Variants in PDE4D observed in about 807,000 individuals in gnomAD.
The protein encoded by PDE4D is 3',5'-cyclic-AMP phosphodiesterase 4D.
PDE4D carries 24 observed loss-of-function variants against 87.4 expected under a neutral mutation model. The observed-to-expected ratio is 0.27, with a 90% CI of 0.20 to 0.39. The LOEUF is 0.39. PDE4D is among the 10% of genes least tolerant of loss of function. The pLI is 1.00. For synonymous variants in PDE4D, 384 were observed against 383.2 expected (o/e 1.00, Z -0.02); for missense variants, 714 against 1,041.0 (o/e 0.69, Z 4.32).
chr5:59,654,390 C>A (rs1744022595), intron 1 of PDE4D, among the ~76,000 whole-genome samples: 1 of 152,150 alleles, frequency 6.6e-6, no homozygotes, highest in African/African-American at 2.4e-5. Context: ...GTCATTCATC[C>A]TTGACAAAAG....
chr5:59,289,912 A>G (rs949251343), intron 1 of PDE4D, among the ~76,000 whole-genome samples: 1 of 152,076 alleles, frequency 6.6e-6, no homozygotes, highest in African/African-American at 2.4e-5. Context: ...AAATGGAGAA[A>G]GTAATCCCAT....
intron 1 of PDE4D, among the ~76,000 whole-genome samples, chr5:59,503,651 T>A (rs114552061): frequency 1.3e-5 from 2 of 152,172 alleles, no homozygotes; most frequent in African/African-American, 2.4e-5. Context: ...TATTCTACTG[T>A]GTTTCACTAT....
chr5:60,114,549 A>C (rs1476675766), intron 2 of PDE4D, among the ~76,000 whole-genome samples: 1 of 152,102 alleles, frequency 6.6e-6, no homozygotes, highest in Non-Finnish European at 1.5e-5. Context: ...TGATGAGTAC[A>C]AACCAGAGAA....
intron 1 of PDE4D, among the ~76,000 whole-genome samples, chr5:60,240,317 CT>C (rs1177826273): frequency 6.6e-6 from 1 of 151,964 alleles, no homozygotes; most frequent in Non-Finnish European, 1.5e-5. Flanking sequence ...AAAATCACAC[CT>C]TCAGAAGAAC....
intron 2 of PDE4D, among the ~76,000 whole-genome samples, chr5:60,026,836 C>T (rs1766680073): frequency 1.3e-5 from 2 of 152,258 alleles, no homozygotes; most frequent in Admixed American, 6.5e-5. Context: ...ATCCCAGAAC[C>T]GTGCTCACTC....
chr5:58,975,295 G>C lies in PDE4D; in HGVS notation c.2014-215C>G, dbSNP rs1743432833. On this transcript the variant is annotated intron_variant, in intron 14 of 14. Transcript: ENST00000340635. The surrounding 1 kb of genome is among the most constrained non-coding windows in gnomAD (Gnocchi z 4.2). ...TTAGCTTCTAGAACCTTTGGTTAAA[G>C]AGCATGTTCTATAGCATAAAAAATT... is the stretch of plus-strand genomic sequence containing the variant. Among the ~76,000 whole-genome samples the C allele has an allele frequency of 6.8e-6, 1 of 147,304 alleles. No homozygotes were observed. Among genetic ancestry groups the C allele is most frequent in the South Asian group, 2.1e-4 (1 of 4,670 alleles).
intron 1 of PDE4D, among the ~76,000 whole-genome samples, chr5:59,540,490 T>A (rs755637272): frequency 1.3e-5 from 2 of 152,168 alleles, no homozygotes; most frequent in Non-Finnish European, 2.9e-5. Flanking sequence ...TTGCCTCAAT[T>A]GTGATTTCTT....
intron 1 of PDE4D, among the ~76,000 whole-genome samples, chr5:59,472,281 A>T (rs1802565095): frequency 1.3e-5 from 2 of 152,188 alleles, no homozygotes. Flanking sequence ...TATTCGTATG[A>T]CTGGAAGCCA....
intron 8 of PDE4D, 116 bp downstream of exon 8, chr5:58,991,716 G>GA (rs749957231): frequency 9.6e-3 from 5,118 of 535,546 alleles, no homozygotes; most frequent in South Asian, 0.01. Context: ...TTCAAAAAAA[G>GA]AAAAAAAAAA....
At chr5:59,020,836 C>G (rs1356024331) in intron 6 of PDE4D, among the ~76,000 whole-genome samples, 2 of 152,126 alleles carry the variant, frequency 1.3e-5, no homozygotes, top group African/African-American at 4.8e-5. Flanking sequence ...CCTTCTCTTA[C>G]CGGCTGTGGC....
chr5:59,481,584 G>A (rs1804263276), intron 1 of PDE4D, among the ~76,000 whole-genome samples: 1 of 152,028 alleles, frequency 6.6e-6, no homozygotes, highest in African/African-American at 2.4e-5. Flanking sequence ...GTGGTGGTAA[G>A]GAAAGGCTGC....
intron 2 of PDE4D, among the ~76,000 whole-genome samples, chr5:60,081,680 T>C (rs1407553664): frequency 1.3e-5 from 2 of 151,920 alleles, no homozygotes; most frequent in African/African-American, 4.8e-5. Context: ...GGTTGTTCAA[T>C]TTCCATGAAA....
intron 2 of PDE4D, among the ~76,000 whole-genome samples, chr5:59,202,070 ACT>A (rs1350631438): frequency 9.2e-6 from 1 of 108,756 alleles, no homozygotes; most frequent in Non-Finnish European, 1.7e-5. Flanking sequence ...ATGGAGTCTC[ACT>A]CTGTCGCCCA....
chr5:59,129,800 C>CTTAA (rs895763170), intron 5 of PDE4D, among the ~76,000 whole-genome samples: 22 of 152,068 alleles, frequency 1.4e-4, no homozygotes, highest in Non-Finnish European at 1.9e-4. Flanking sequence ...GGAAACCTGG[C>CTTAA]TTAACCACTT....
chr5:60,246,204 A>T (rs1317752941), intron 1 of PDE4D, among the ~76,000 whole-genome samples: 3 of 151,864 alleles, frequency 2.0e-5, no homozygotes. Context: ...TAATGGATGA[A>T]TTTAATTAAT....
intron 5 of PDE4D, among the ~76,000 whole-genome samples, chr5:59,095,461 T>C (rs1329760495): frequency 6.6e-6 from 1 of 152,114 alleles, no homozygotes; most frequent in Non-Finnish European, 1.5e-5. Flanking sequence ...GATACTATTA[T>C]ATTAAATGCC....
chr5:59,604,183 G>A (rs1331938033), intron 1 of PDE4D, among the ~76,000 whole-genome samples: 1 of 149,058 alleles, frequency 6.7e-6, no homozygotes, highest in East Asian at 2.0e-4. Context: ...GGACAGACCT[G>A]AGTCTCTTAT....
intron 1 of PDE4D, among the ~76,000 whole-genome samples, chr5:60,472,210 C>T (rs1747866210): frequency 6.6e-6 from 1 of 152,152 alleles, no homozygotes; most frequent in Admixed American, 6.6e-5. Context: ...CAAATAATAA[C>T]TAATCTAATC....
At chr5:60,137,863 C>T (rs1322528219) in intron 2 of PDE4D, among the ~76,000 whole-genome samples, 1 of 151,830 alleles carries the variant, frequency 6.6e-6, no homozygotes. Context: ...TTTGCCTGTG[C>T]CTATGTCCTG....
Sources: gnomAD v4.1 joint callset for allele counts (sites outside exome capture counted in the v4.1 genomes callset) on GRCh38, gnomAD v4.1.1 for gene constraint, Gnocchi (gnomAD v3.1) non-coding constraint, MANE v1.5 for transcripts, NCBI Gene and HGNC (gene_info 2026-07-23, HGNC 2026-07-21) for gene names.